FOCAD: variants seen among roughly 807,000 people sequenced by gnomAD.
FOCAD encodes the protein focadhesin, also known as KIAA1797.
FOCAD carries 198 observed loss-of-function variants against 225.6 expected under a neutral mutation model. The ratio of observed to expected loss-of-function variants is 0.88; its 90% confidence interval spans 0.78 to 0.99. The LOEUF (loss-of-function observed/expected upper bound fraction) is 0.99, where lower values mean the gene tolerates loss of function less well. Ranked by LOEUF, FOCAD falls within the 50% of genes least tolerant of loss-of-function variation. The pLI is 0.00. For missense variants in FOCAD, 2,713 were observed against 2,123.6 expected, an observed-to-expected ratio of 1.28 and a Z score of -5.46; for synonymous variants, 897 against 755.0, an observed-to-expected ratio of 1.19 and a Z score of -3.08.
intron 11 of FOCAD, among the ~76,000 whole-genome samples, chr9:20,800,858 A>G (rs932971769): frequency 2.0e-5 from 3 of 152,174 alleles, no homozygotes; most frequent in African/African-American, 4.8e-5. Context: ...TGTCAAAGTC[A>G]TTCTCCATCC....
At chr9:20,936,517 G>A (rs1171398158) in intron 28 of FOCAD, among the ~76,000 whole-genome samples, 1 of 152,168 alleles carries the variant, frequency 6.6e-6, no homozygotes, top group East Asian at 1.9e-4. Context: ...CACTTTTGGG[G>A]TCAAGTGACT....
At chr9:20,970,211 G>C (rs1839645167) in intron 35 of FOCAD, among the ~76,000 whole-genome samples, 1 of 151,916 alleles carries the variant, frequency 6.6e-6, no homozygotes, top group South Asian at 2.1e-4. Flanking sequence ...AGACTTTGTT[G>C]AGCTTCTTGA....
chr9:20,820,887 T>C (rs1180400193), intron 13 of FOCAD, 54 bp from the exon 14 acceptor site: 1 of 1,588,506 alleles, frequency 6.3e-7, no homozygotes, highest in East Asian at 2.2e-5. Flanking sequence ...AGGAAGATAA[T>C]GATTATTCAA....
chr9:20,803,792 A>G (rs139933136), intron 11 of FOCAD, among the ~76,000 whole-genome samples: 1 of 152,096 alleles, frequency 6.6e-6, no homozygotes, highest in Non-Finnish European at 1.5e-5. Context: ...AAGACACCCT[A>G]ACTCAGTGTT....
intron 2 of FOCAD, among the ~76,000 whole-genome samples, chr9:20,660,926 G>C (rs1332203035): frequency 1.3e-5 from 2 of 152,076 alleles, no homozygotes; most frequent in East Asian, 3.9e-4. Flanking sequence ...AAAATTATGG[G>C]GACATTCCAT....
rs1295415838 is a variant in FOCAD at position 20,758,083 on chromosome 9, C to T, written c.393-7C>T. The T allele has an allele frequency of 6.3e-7, 1 of 1,591,218 alleles. No individual in the cohort carries two copies. The highest frequency in any genetic ancestry group is 1.4e-5 in the African/African-American group (1 of 73,850). On this transcript the variant is annotated splice_polypyrimidine_tract_variant and splice_region_variant and intron_variant, in intron 5 of 43. Transcript: ENST00000338382. ...CAGGTTCCCATGTGACTTTCTGTGT[C>T]TTTCAGAAATCATCCTCATCCTTTG...
intron 21 of FOCAD, among the ~76,000 whole-genome samples, chr9:20,904,477 C>T (rs1186880282): frequency 1.3e-5 from 2 of 152,010 alleles, no homozygotes; most frequent in Non-Finnish European, 2.9e-5. Context: ...AACCCTGTAA[C>T]CTTCTCGCAT....
chr9:20,687,382 T>C (rs1160522847), intron 1 of FOCAD, among the ~76,000 whole-genome samples: 1 of 152,230 alleles, frequency 6.6e-6, no homozygotes, highest in Non-Finnish European at 1.5e-5. Context: ...GTTGAACAAA[T>C]GTAATACAGT....
chr9:20,807,758 A>G (rs974933220), intron 11 of FOCAD, among the ~76,000 whole-genome samples: 2 of 152,180 alleles, frequency 1.3e-5, no homozygotes, highest in Non-Finnish European at 2.9e-5. Flanking sequence ...TGTATTTAGA[A>G]GTAGTCTTAG....
chr9:20,670,668 A>G (rs916178842), intron 2 of FOCAD, among the ~76,000 whole-genome samples: 1 of 152,144 alleles, frequency 6.6e-6, no homozygotes, highest in African/African-American at 2.4e-5. Context: ...ACCATTTGAG[A>G]TGAGCTTTGG....
At chr9:20,813,647 A>AG (rs1823327934) in intron 11 of FOCAD, among the ~76,000 whole-genome samples, 4 of 152,158 alleles carry the variant, frequency 2.6e-5, no homozygotes, top group African/African-American at 9.7e-5. Context: ...TTGTGATCTC[A>AG]CACGTGGTCC....
Position 20,990,274 on chromosome 9 carries a change from G to A in FOCAD, c.5156G>A (p.Ser1719Asn). Residue 1719 changes from serine to asparagine, a missense_variant, in exon 42 of 44, where the codon AGT (serine) becomes AAT (asparagine). Ser to Asn is a conservative substitution (Grantham distance 46, BLOSUM62 1). Transcript: ENST00000338382. ...AGPVPSFLGR[S>N]PMHRVTLQEV... Reference sequence around the variant, plus strand: ...CCAGTACCAAGCTTCCTTGGCAGGAGTCCAATGCACAGGGTCACTCTGCAG... The same window carrying A: ...CCAGTACCAAGCTTCCTTGGCAGGAATCCAATGCACAGGGTCACTCTGCAG... 6.2e-7 allele frequency: 1 copy of A among 1,614,194 alleles called. No homozygotes were observed. Among genetic ancestry groups the A allele is most frequent in the Non-Finnish European group, 8.5e-7 (1 of 1,180,036 alleles).
intron 15 of FOCAD, among the ~76,000 whole-genome samples, chr9:20,824,099 C>T (rs900305669): frequency 6.6e-6 from 1 of 152,086 alleles, no homozygotes; most frequent in Admixed American, 6.6e-5. Context: ...AATGCTTTCA[C>T]ATCCTGTGCC....
intron 15 of FOCAD, among the ~76,000 whole-genome samples, chr9:20,839,227 G>A (rs534209369): frequency 7.4e-5 from 11 of 148,366 alleles, no homozygotes; most frequent in African/African-American, 2.5e-4. Context: ...GTGAGGCACT[G>A]TTAACCTTGG....
chr9:20,708,922 C>T (rs1824609858), intron 1 of FOCAD, among the ~76,000 whole-genome samples: 1 of 152,186 alleles, frequency 6.6e-6, no homozygotes, highest in Admixed American at 6.5e-5. Context: ...CCTCCTCCAA[C>T]TACCTTGTAT....
intron 1 of FOCAD, among the ~76,000 whole-genome samples, chr9:20,686,002 A>G (rs1822643474): frequency 6.6e-6 from 1 of 152,176 alleles, no homozygotes; most frequent in Admixed American, 6.5e-5. Flanking sequence ...TTCCCCGTTT[A>G]AAATGATTTA....
At chr9:20,923,355 G>C (rs928545568) in intron 24 of FOCAD, among the ~76,000 whole-genome samples, 4 of 152,070 alleles carry the variant, frequency 2.6e-5, no homozygotes, top group African/African-American at 9.7e-5. Context: ...AGAGATCCTA[G>C]GAAATGTAAT....
intron 15 of FOCAD, among the ~76,000 whole-genome samples, chr9:20,848,211 T>C (rs768964787): frequency 6.6e-6 from 1 of 152,032 alleles, no homozygotes; most frequent in Non-Finnish European, 1.5e-5. Flanking sequence ...TGGGCGGCCA[T>C]GTAGAAATAT....
intron 31 of FOCAD, 126 bp from the exon 32 acceptor site, chr9:20,948,725 G>A: frequency 1.0e-6 from 1 of 994,574 alleles, no homozygotes; most frequent in Non-Finnish European, 1.5e-6. Flanking sequence ...CAGTTATACA[G>A]GTTACGTTGA....
Sources: allele counts gnomAD v4.1 joint callset (sites outside exome capture counted in the v4.1 genomes callset), GRCh38; gene constraint gnomAD v4.1.1; transcripts MANE v1.5; gene names NCBI Gene and HGNC (gene_info 2026-07-23, HGNC 2026-07-21).